LPP: variants seen among roughly 807,000 people sequenced by gnomAD.
LPP encodes lipoma-preferred partner.
In LPP, 38 loss-of-function variants were observed where a neutral mutation model predicts 60.4. The observed-to-expected ratio is 0.63, with a 90% confidence interval of 0.49 to 0.83. The LOEUF (loss-of-function observed/expected upper bound fraction) is 0.83. Ranked by LOEUF, LPP falls within the 40% of genes least tolerant of loss-of-function variation. The pLI, the probability that LPP is intolerant of heterozygous loss-of-function variation, is 0.00. For synonymous variants in LPP, 328 were observed against 290.8 expected, an observed-to-expected ratio of 1.13 and a Z score of -1.30; for missense variants, 902 against 783.6, an observed-to-expected ratio of 1.15 and a Z score of -1.80.
At chr3:188,188,473 A>C (rs1194374472) in intron 1 of LPP, among the ~76,000 whole-genome samples, 1 of 152,020 alleles carries the variant, frequency 6.6e-6, no homozygotes, top group Non-Finnish European at 1.5e-5. Flanking sequence ...GTCACCTAAA[A>C]TCTTTGTATA....
intron 4 of LPP, among the ~76,000 whole-genome samples, chr3:188,415,035 G>A (rs764528668): frequency 8.5e-5 from 13 of 152,100 alleles, no homozygotes; most frequent in Non-Finnish European, 1.8e-4. Flanking sequence ...ACTGAAATGA[G>A]TTCCTTAATA....
intron 4 of LPP, among the ~76,000 whole-genome samples, chr3:188,483,791 T>C (rs1805501355): frequency 6.6e-6 from 1 of 152,204 alleles, no homozygotes; most frequent in Non-Finnish European, 1.5e-5. Flanking sequence ...TGTTTCTTAT[T>C]CATTTCTCCT....
chr3:188,491,437 A>G (rs1477998525), intron 5 of LPP, among the ~76,000 whole-genome samples: 2 of 152,354 alleles, frequency 1.3e-5, no homozygotes, highest in East Asian at 1.9e-4. Flanking sequence ...ATCTTGATCC[A>G]TGAAAACATA....
At chr3:188,603,522 C>A (rs572434169) in intron 6 of LPP, among the ~76,000 whole-genome samples, 1 of 152,184 alleles carries the variant, frequency 6.6e-6, no homozygotes, top group South Asian at 2.1e-4. Flanking sequence ...TCGTCAATAT[C>A]TTCTTCTGGA....
At chr3:188,619,009 A>G (rs965238865) in intron 7 of LPP, among the ~76,000 whole-genome samples, 2 of 152,098 alleles carry the variant, frequency 1.3e-5, no homozygotes, top group Non-Finnish European at 2.9e-5. Flanking sequence ...AGAGGAAACC[A>G]TGCTTTTTTA....
chr3:188,784,327 A>G (rs1467326444), intron 9 of LPP, among the ~76,000 whole-genome samples: 2 of 130,860 alleles, frequency 1.5e-5, no homozygotes, highest in South Asian at 2.6e-4. Context: ...TCCATCATAT[A>G]TATATATTCC....
intron 4 of LPP, among the ~76,000 whole-genome samples, chr3:188,462,580 ATATATGCATGTGTGTGTG>A (rs1799314735): frequency 1.9e-5 from 1 of 52,402 alleles, no homozygotes; most frequent in East Asian, 8.3e-4. Flanking sequence ...ATATATATAT[ATATATGCATGTGTGTGTG>A]TGTGTGTGTG....
Position 188,876,644 on chromosome 3 carries a change from G to A in LPP, c.*2165G>A, listed in dbSNP as rs765018616. 1 of 196,216 alleles carries A rather than the reference G, an allele frequency of 5.1e-6. No homozygotes were observed. The highest frequency in any genetic ancestry group is 1.1e-5 in the Non-Finnish European group (1 of 94,580). The allele number at this position is 196,216 out of a possible 1,614,324, so 12.2% of individuals were successfully genotyped here. A position where few individuals can be genotyped will look rare whatever the true frequency, so the allele number is the denominator to read the frequency against. ...GAATTTTGACTTAGTAACTTTTTAT[G>A]TAATACTTTCGGAGAAATTCTCTTT... On this transcript the variant is annotated 3_prime_UTR_variant, in exon 12 of 12. Coordinates refer to ENST00000617246, the MANE Select transcript of LPP (RefSeq NM_001375462.1).
At chr3:188,358,024 C>T (rs1227446191) in intron 3 of LPP, among the ~76,000 whole-genome samples, 3 of 151,874 alleles carry the variant, frequency 2.0e-5, no homozygotes, top group Non-Finnish European at 4.4e-5. Flanking sequence ...AAAAAAATGA[C>T]GTGAATCTGA....
chr3:188,221,979 T>C (rs925720884), intron 1 of LPP, among the ~76,000 whole-genome samples: 1 of 152,176 alleles, frequency 6.6e-6, no homozygotes, highest in African/African-American at 2.4e-5. Context: ...CTTTACCACT[T>C]ACTAGCCTAG....
chr3:188,179,701 C>G, intron 1 of LPP: 1 of 351,888 alleles, frequency 2.8e-6, no homozygotes, highest in Non-Finnish European at 5.6e-6. Context: ...AAAACTGTGG[C>G]CTCTGGTTGT....
At chr3:188,343,801 T>C (rs978569068) in intron 3 of LPP, among the ~76,000 whole-genome samples, 2 of 152,178 alleles carry the variant, frequency 1.3e-5, no homozygotes, top group African/African-American at 4.8e-5. Flanking sequence ...GTAAATAGTC[T>C]GGGAGCATGC....
chr3:188,369,852 G>A (rs1440453727), intron 3 of LPP, among the ~76,000 whole-genome samples: 2 of 152,168 alleles, frequency 1.3e-5, no homozygotes, highest in Non-Finnish European at 1.5e-5. Context: ...CAGGTTGGAT[G>A]GAAGGATTCT....
At chr3:188,323,066 T>G (rs12696583) in intron 2 of LPP, among the ~76,000 whole-genome samples, 22,735 of 152,144 alleles carry the variant, frequency 0.15, 1,929 homozygotes, top group East Asian at 0.34. Flanking sequence ...TGGTAAGCAA[T>G]TGCTTCTAAA....
At position 188,464,199 on chromosome 3, in the gene LPP, C is replaced by T. The variant is rs554160753; in HGVS notation, c.194-20393C>T. On this transcript the variant is annotated intron_variant, in intron 4 of 11. Transcript: ENST00000617246. Reference sequence around the variant, plus strand: ...TGAAGAAAACACATAAGTTAGATTTCTTGCTTTTATAGCAAAATATTTTTT... The same window carrying T: ...TGAAGAAAACACATAAGTTAGATTTTTTGCTTTTATAGCAAAATATTTTTT... Among the ~76,000 whole-genome samples the T allele has an allele frequency of 2.6e-5, 4 of 152,218 alleles. No homozygotes were observed. The South Asian group carries it at 8.3e-4, about 32-fold the overall frequency.
intron 9 of LPP, among the ~76,000 whole-genome samples, chr3:188,810,960 G>A (rs1750756689): frequency 6.6e-6 from 1 of 151,964 alleles, no homozygotes. Flanking sequence ...ATGACAACAA[G>A]GAATGCTTCT....
chr3:188,683,961 A>G (rs1368448106), intron 7 of LPP, among the ~76,000 whole-genome samples: 1 of 152,226 alleles, frequency 6.6e-6, no homozygotes, highest in African/African-American at 2.4e-5. Flanking sequence ...TGAAGTCGGG[A>G]AACCGGAGTG....
intron 7 of LPP, among the ~76,000 whole-genome samples, chr3:188,640,069 G>A (rs533184766): frequency 1.1e-4 from 16 of 151,714 alleles, no homozygotes; most frequent in African/African-American, 2.7e-4. Flanking sequence ...ACATGCACAC[G>A]TATGTTTATT....
intron 2 of LPP, among the ~76,000 whole-genome samples, chr3:188,309,476 T>C (rs542718418): frequency 5.8e-4 from 89 of 152,288 alleles, no homozygotes; most frequent in African/African-American, 2.1e-3. Context: ...GGTTGGGGAC[T>C]GATTGATGAT....
Sources: allele counts gnomAD v4.1 joint callset (sites outside exome capture counted in the v4.1 genomes callset), GRCh38; gene constraint gnomAD v4.1.1; transcripts MANE v1.5; gene names NCBI Gene and HGNC (gene_info 2026-07-23, HGNC 2026-07-21).